The following RELN variants were observed in gnomAD, a reference collection of about 807,000 sequenced individuals.
RELN encodes reelin.
Under a neutral mutation model 427.6 loss-of-function variants are expected in RELN, and 108 were observed. The ratio of observed to expected loss-of-function variants is 0.25; its 90% confidence interval spans 0.22 to 0.30. The LOEUF is 0.30. Ranked by LOEUF, RELN falls within the 10% of genes least tolerant of loss-of-function variation. The pLI, the probability that RELN is intolerant of heterozygous loss-of-function variation, is 1.00. For missense variants in RELN, 3,715 were observed against 4,302.8 expected, an observed-to-expected ratio of 0.86 and a Z score of 3.82; for synonymous variants, 1,524 against 1,513.4, an observed-to-expected ratio of 1.01 and a Z score of -0.16.
At chr7:103,922,855 A>G (rs1247503177) in intron 1 of RELN, among the ~76,000 whole-genome samples, 1 of 152,120 alleles carries the variant, frequency 6.6e-6, no homozygotes, top group Non-Finnish European at 1.5e-5. Context: ...AGCATATTCC[A>G]TTACTACTTT....
At chr7:103,624,553 A>G (rs914357783) in intron 20 of RELN, among the ~76,000 whole-genome samples, 1 of 152,106 alleles carries the variant, frequency 6.6e-6, no homozygotes, top group Non-Finnish European at 1.5e-5. Context: ...CAGCCTCCCA[A>G]GTAGCTGGGA....
At chr7:103,882,271 G>A (rs1794624524) in intron 2 of RELN, among the ~76,000 whole-genome samples, 1 of 152,078 alleles carries the variant, frequency 6.6e-6, no homozygotes, top group African/African-American at 2.4e-5. Flanking sequence ...TTGCTCTTGA[G>A]TGTGTCCCTG....
At chr7:103,583,183 G>C (rs1406497168) in intron 28 of RELN, among the ~76,000 whole-genome samples, 1 of 152,154 alleles carries the variant, frequency 6.6e-6, no homozygotes, top group Non-Finnish European at 1.5e-5. Context: ...TATTCTCTCT[G>C]AGAATTACAC....
chr7:103,857,832 C>T (rs1057061905), intron 2 of RELN, among the ~76,000 whole-genome samples: 2 of 152,156 alleles, frequency 1.3e-5, no homozygotes, highest in Non-Finnish European at 1.5e-5. Flanking sequence ...AGTTGTCCTA[C>T]TCCATGAAAA....
At chr7:103,489,703 T>C (rs751427240) in intron 60 of RELN, 39 bp downstream of exon 60, 21 of 1,608,034 alleles carry the variant, frequency 1.3e-5, no homozygotes, top group East Asian at 2.2e-5. Context: ...GAGAACCTCT[T>C]GGTCTCCTCT....
rs182640214 is a variant in RELN, at chr7:103,705,662, G to C, written c.806-4656C>G. 2.0e-5 allele frequency among the ~76,000 whole-genome samples: 3 copies of C among 152,324 alleles called. No individual in the cohort carries two copies. In the East Asian group the frequency reaches 5.8e-4, roughly 29 times the overall value. ...TCTTCCAGAGAGGTATTACGTGTAG[G>C]GTTACGAGAATGGATAGAGGGGACA... On this transcript the variant is annotated intron_variant, in intron 8 of 64. Coordinates refer to ENST00000428762, the MANE Select transcript of RELN (RefSeq NM_005045.4).
At position 103,955,747 on chromosome 7, in the gene RELN, T is replaced by G. The variant is rs139828722; in HGVS notation, c.226+33384A>C. Among the ~76,000 whole-genome samples the G allele has an allele frequency of 7.0e-4, 107 of 152,264 alleles. 3 individuals are homozygous for G. In the East Asian group the frequency reaches 0.016, roughly 22 times the overall value. ...CTCTCCACGAACCCAGACAAGAAAC[T>G]CCATGTGAAACAGCAAGTCTGATGG... On this transcript the variant is annotated intron_variant, in intron 1 of 64. Coordinates refer to ENST00000428762, the MANE Select transcript of RELN (RefSeq NM_005045.4).
intron 57 of RELN, among the ~76,000 whole-genome samples, chr7:103,492,589 A>G (rs1207877234): frequency 6.6e-6 from 1 of 152,232 alleles, no homozygotes; most frequent in Non-Finnish European, 1.5e-5. Context: ...TCATCTATTT[A>G]ATCATGTCCT....
At chr7:103,971,455 G>A (rs4425676) in intron 1 of RELN, among the ~76,000 whole-genome samples, 106,473 of 152,070 alleles carry the variant, frequency 0.7, 37,829 homozygotes, top group African/African-American at 0.82. Flanking sequence ...ACACAGATAT[G>A]CACAAAATTA....
intron 1 of RELN, among the ~76,000 whole-genome samples, chr7:103,961,410 G>T (rs941241100): frequency 6.6e-6 from 1 of 152,010 alleles, no homozygotes; most frequent in Non-Finnish European, 1.5e-5. Context: ...CCCCCTTTTG[G>T]AATCATTTAT....
At position 103,682,040 on chromosome 7, in the gene RELN, A is replaced by G. The variant is rs377704792; in HGVS notation, c.1289+76T>C. 113 of 1,385,266 alleles carry G rather than the reference A, an allele frequency of 8.2e-5. 2 individuals are homozygous for G. In the East Asian group the frequency reaches 1.3e-3, roughly 16 times the overall value. The allele number at this position is 1,385,266 out of a possible 1,614,324, so 85.8% of individuals were successfully genotyped here. Reference sequence around the variant, plus strand: ...TCTAAGTATGCTTTCGCCATTTAACAATATGCATTTAAAACACGTCCAGTA... The same window carrying G: ...TCTAAGTATGCTTTCGCCATTTAACGATATGCATTTAAAACACGTCCAGTA... On this transcript the variant is annotated intron_variant, in intron 11 of 64. Transcript: ENST00000428762.
intron 6 of RELN, among the ~76,000 whole-genome samples, chr7:103,740,484 C>T (rs1451183330): frequency 6.6e-6 from 1 of 152,182 alleles, no homozygotes; most frequent in Admixed American, 6.5e-5. Flanking sequence ...AATATTCAAA[C>T]TGAACAGATA....
At chr7:103,590,162 C>T (rs1205400289) in intron 27 of RELN, among the ~76,000 whole-genome samples, 1 of 152,160 alleles carries the variant, frequency 6.6e-6, no homozygotes, top group Non-Finnish European at 1.5e-5. Flanking sequence ...TCAGAGGGTA[C>T]AGACAGAGGA....
intron 2 of RELN, among the ~76,000 whole-genome samples, chr7:103,849,543 G>A (rs1419813016): frequency 6.6e-6 from 1 of 152,112 alleles, no homozygotes; most frequent in African/African-American, 2.4e-5. Flanking sequence ...GTGACACCCT[G>A]CGTATCCCCT....
intron 8 of RELN, among the ~76,000 whole-genome samples, chr7:103,720,288 TG>T (rs1339274934): frequency 2.6e-5 from 4 of 152,032 alleles, no homozygotes; most frequent in African/African-American, 4.8e-5. Flanking sequence ...AAGCAATTTT[TG>T]TATGAGGAAC....
chr7:103,818,499 T>A (rs924578204), intron 3 of RELN, among the ~76,000 whole-genome samples: 2 of 152,326 alleles, frequency 1.3e-5, no homozygotes, highest in African/African-American at 4.8e-5. Flanking sequence ...CTACTATTAG[T>A]CTTTGTGATA....
intron 1 of RELN, among the ~76,000 whole-genome samples, chr7:103,941,964 T>C (rs1371202906): frequency 6.6e-6 from 1 of 151,090 alleles, no homozygotes; most frequent in Non-Finnish European, 1.5e-5. Flanking sequence ...TACTATATAA[T>C]AAATTATATG....
chr7:103,636,400 T>A lies in RELN; in HGVS notation c.2138A>T (p.Glu713Val). The change falls in exon 18 of 65, where the codon GAA becomes GTA. Residue 713 changes from glutamate to valine, a missense_variant. Physicochemically the swap from Glu to Val is moderately radical, Grantham distance 121 (BLOSUM62 -2). This residue lies in a region of RELN where 2,208 missense variants were observed against 2,361.7 expected (regional missense o/e 0.93). Coordinates refer to ENST00000428762, the MANE Select transcript of RELN (RefSeq NM_005045.4). ...ASQTFPMFISESFGSSRLSSY... is the reference protein window; with the variant it reads ...ASQTFPMFISVSFGSSRLSSY... The stretch of plus-strand genomic sequence containing the variant: ...GGAGAGCCTGGAACTGCCAAAGCTT[T>A]CAGAAATAAACATTGGGAATGTCTG... 1 of 1,614,006 alleles carries A rather than the reference T, an allele frequency of 6.2e-7. No individual in the cohort carries two copies. Among genetic ancestry groups the A allele is most frequent in the Non-Finnish European group, 8.5e-7 (1 of 1,179,954 alleles).
intron 52 of RELN, among the ~76,000 whole-genome samples, chr7:103,501,668 A>T (rs552903129): frequency 5.3e-5 from 8 of 152,316 alleles, no homozygotes. Flanking sequence ...AAACTCATTG[A>T]TCTGAACAAT....
Sources: gnomAD v4.1 joint callset for allele counts (sites outside exome capture counted in the v4.1 genomes callset) on GRCh38, gnomAD v4.1.1 for gene constraint, gnomAD v4.1.1 regional missense constraint, MANE v1.5 for transcripts, NCBI Gene and HGNC (gene_info 2026-07-23, HGNC 2026-07-21) for gene names.